The following NUP58 variants were observed in gnomAD, a reference collection of about 807,000 sequenced individuals.
NUP58 encodes nucleoporin p58/p45.
Under a neutral mutation model 70.1 loss-of-function variants are expected in NUP58, and 17 were observed. The ratio of observed to expected loss-of-function variants is 0.24; its 90% CI spans 0.17 to 0.36. NUP58 has a LOEUF of 0.36. NUP58 is among the 10% of genes least tolerant of loss of function. The pLI, the probability that NUP58 is intolerant of heterozygous loss-of-function variation, is 1.00. For synonymous variants in NUP58, 275 were observed against 257.6 expected, an observed-to-expected ratio of 1.07 and a Z score of -0.65; for missense variants, 644 against 701.5, an observed-to-expected ratio of 0.92 and a Z score of 0.93.
chr13:25,317,073 G>A lies in NUP58; in HGVS notation c.685+1606G>A, dbSNP rs116859268. Among the ~76,000 whole-genome samples the A allele has an allele frequency of 1.4e-3, 218 of 152,092 alleles. 4 individuals are homozygous for A. In the East Asian group the frequency reaches 0.041, roughly 29 times the overall value. ...AATGATTTCTGTGTTTCTAGTAGCT[G>A]TATCAGTTAGCTTGGGCCCTGCAGT... On this transcript the variant is annotated intron_variant, in intron 6 of 15. Transcript: ENST00000381736.
chr13:25,306,821 T>G (rs1295081654), intron 1 of NUP58, among the ~76,000 whole-genome samples: 1 of 152,174 alleles, frequency 6.6e-6, no homozygotes, highest in Non-Finnish European at 1.5e-5. Flanking sequence ...TTTGTTCACT[T>G]TCACTTGTTT....
chr13:25,328,442 C>G (rs1377311608), intron 12 of NUP58, among the ~76,000 whole-genome samples: 1 of 139,754 alleles, frequency 7.2e-6, no homozygotes, highest in African/African-American at 2.6e-5. Context: ...GTCGCCCAGG[C>G]TGGAGTTCAG....
intron 3 of NUP58, among the ~76,000 whole-genome samples, chr13:25,309,727 G>A (rs994648419): frequency 1.3e-5 from 2 of 152,122 alleles, no homozygotes; most frequent in East Asian, 1.9e-4. Context: ...TAGTGTTAAC[G>A]CTAAAGGGAA....
At chr13:25,320,645 A>T in intron 8 of NUP58, 50 bp downstream of exon 8, 12 of 1,314,328 alleles carry the variant, frequency 9.1e-6, no homozygotes, top group Non-Finnish European at 1.2e-5. Context: ...ATTCTAGAAT[A>T]CTTCTTAAGG....
At chr13:25,334,718 C>T (rs1566071030) in intron 13 of NUP58, 5 of 980,124 alleles carry the variant, frequency 5.1e-6, no homozygotes, top group Non-Finnish European at 6.1e-6. Context: ...GCACTTTAGT[C>T]CTTTTTCTGT....
rs1322648555 is a variant in NUP58, at chr13:25,328,161, T to C, written c.1233+649T>C. Among the ~76,000 whole-genome samples the C allele has an allele frequency of 3.3e-5, 5 of 151,662 alleles. No homozygotes were observed. The South Asian group carries it at 8.4e-4, about 25-fold the overall frequency. ...TTGCAGTGAGCCGAGATCACACCACTGCACTCCAGCCTGGGCAACAGAGCA... is the reference window on the plus strand; with the variant it reads ...TTGCAGTGAGCCGAGATCACACCACCGCACTCCAGCCTGGGCAACAGAGCA... On this transcript the variant is annotated intron_variant, in intron 12 of 15. Coordinates refer to ENST00000381736, the MANE Select transcript of NUP58 (RefSeq NM_014089.4).
At position 25,331,327 on chromosome 13, in the gene NUP58, A is replaced by G. The variant is rs781015153; in HGVS notation, c.1234-30A>G. ...TTAACCATAGTCAATGTGAAACTTCATTTAGCCGTTTTGTTTATTATTCTT... is the reference window on the plus strand; with the variant it reads ...TTAACCATAGTCAATGTGAAACTTCGTTTAGCCGTTTTGTTTATTATTCTT... On this transcript the variant is annotated intron_variant, in intron 12 of 15. Transcript: ENST00000381736. 1.9e-6 allele frequency: 3 copies of G among 1,599,200 alleles called. No homozygotes were observed. In the South Asian group the frequency reaches 3.3e-5, roughly 18 times the overall value.
chr13:25,328,723 G>C (rs919489465), intron 12 of NUP58, among the ~76,000 whole-genome samples: 1 of 152,024 alleles, frequency 6.6e-6, no homozygotes, highest in African/African-American at 2.4e-5. Flanking sequence ...TCATAATAAC[G>C]TTAGTTTTAA....
chr13:25,339,854 T>G, intron 15 of NUP58, 111 bp from the exon 16 acceptor site: 1 of 919,904 alleles, frequency 1.1e-6, no homozygotes, highest in South Asian at 1.8e-5. Context: ...ATATTTGCTA[T>G]TCTTACAGAT....
intron 3 of NUP58, 78 bp from the exon 4 acceptor site, chr13:25,312,805 T>C (rs1269615257): frequency 7.1e-7 from 1 of 1,403,584 alleles, no homozygotes; most frequent in African/African-American, 1.4e-5. Flanking sequence ...GGATCCTTAT[T>C]GAAACCAGTA....
chr13:25,327,607 C>A, intron 12 of NUP58, 95 bp downstream of exon 12: 166 of 668,478 alleles, frequency 2.5e-4, no homozygotes, highest in East Asian at 5.7e-4. Context: ...ACAGAAATAG[C>A]TAAAATTACA....
At chr13:25,309,657 T>G (rs1285175017) in intron 3 of NUP58, among the ~76,000 whole-genome samples, 1 of 152,226 alleles carries the variant, frequency 6.6e-6, no homozygotes, top group Non-Finnish European at 1.5e-5. Flanking sequence ...TGTTTGGGGC[T>G]TTTAGTTATC....
At chr13:25,305,823 T>C (rs2030323075) in intron 1 of NUP58, among the ~76,000 whole-genome samples, 1 of 152,132 alleles carries the variant, frequency 6.6e-6, no homozygotes. Context: ...TCCCAGTGTT[T>C]GCAAAAATTT....
Position 25,327,000 on chromosome 13 carries a change from C to G in NUP58, c.1116C>G (p.Ala372=). Residue 372 remains alanine (A), a synonymous_variant, in exon 11 of 16, where the codon GCC becomes GCG. Transcript: ENST00000381736. The part of the protein sequence containing the change: ...QQIEELENHL[A]TQANNSHITP... ...TTGAAGAACTAGAAAACCATCTTGCCACTCAAGCAAATAATTCACATATAA... is the reference window on the plus strand; with the variant it reads ...TTGAAGAACTAGAAAACCATCTTGCGACTCAAGCAAATAATTCACATATAA... 6.2e-7 allele frequency: 1 copy of G among 1,603,572 alleles called. No homozygotes were observed. Among genetic ancestry groups the G allele is most frequent in the Non-Finnish European group, 8.5e-7 (1 of 1,173,926 alleles).
chr13:25,348,819 T>C (rs2032077555), intron 3 of NUP58, among the ~76,000 whole-genome samples: 1 of 152,246 alleles, frequency 6.6e-6, no homozygotes, highest in Admixed American at 6.5e-5. Flanking sequence ...TACAGTTATC[T>C]TCACAAACAG....
Position 25,301,692 on chromosome 13 carries a change from G to C in NUP58, c.-82G>C, listed in dbSNP as rs1458254271. 4 of 716,826 alleles carry C rather than the reference G, an allele frequency of 5.6e-6. No individual in the cohort carries two copies. Among genetic ancestry groups the C allele is most frequent in the African/African-American group, 1.9e-5 (1 of 53,978 alleles). The allele number at this position is 716,826 out of a possible 1,614,324, so 44.4% of individuals were successfully genotyped here. On this transcript the variant is annotated 5_prime_UTR_variant, in exon 1 of 16. Coordinates refer to ENST00000381736, the MANE Select transcript of NUP58 (RefSeq NM_014089.4). Reference sequence around the variant, plus strand: ...GTCCGTGCCGGGCGAGAGAGATGCTGCCCGGCCCGCCTCGGCTTTGAGGCG... The same window carrying C: ...GTCCGTGCCGGGCGAGAGAGATGCTCCCCGGCCCGCCTCGGCTTTGAGGCG...
intron 13 of NUP58, chr13:25,331,809 A>G (rs1033077756): frequency 3.8e-6 from 5 of 1,309,256 alleles, no homozygotes; most frequent in Non-Finnish European, 4.9e-6. Flanking sequence ...CTGTAATGCT[A>G]TAAATGCCCT....
intron 15 of NUP58, 119 bp from the exon 16 acceptor site, chr13:25,339,845 TA>T (rs1334049135): frequency 1.2e-6 from 1 of 840,846 alleles, no homozygotes; most frequent in East Asian, 2.8e-5. Flanking sequence ...GGCTTTAATA[TA>T]TTTGCTATTC....
intron 13 of NUP58, chr13:25,334,552 T>C: frequency 1.0e-6 from 1 of 985,300 alleles, no homozygotes; most frequent in Non-Finnish European, 1.2e-6. Flanking sequence ...CAAAGGAACA[T>C]TCCCCATTAA....
Sources: gnomAD v4.1 joint callset for allele counts (sites outside exome capture counted in the v4.1 genomes callset) on GRCh38, gnomAD v4.1.1 for gene constraint, MANE v1.5 for transcripts, NCBI Gene and HGNC (gene_info 2026-07-23, HGNC 2026-07-21) for gene names.